The following ACOT1 variants were observed in gnomAD, a reference collection of about 807,000 sequenced individuals.
ACOT1 encodes acyl-coenzyme A thioesterase 1.
In ACOT1, 8 loss-of-function variants were observed where a neutral mutation model predicts 15.7. That is an observed-to-expected ratio of 0.51 (90% confidence interval 0.30 to 0.92). The LOEUF (loss-of-function observed/expected upper bound fraction) is 0.92, where lower values mean the gene tolerates loss of function less well. Among genes scored for constraint, ACOT1 ranks in the 40% least tolerant of loss-of-function variants. The probability of loss-of-function intolerance (pLI) is 0.06; values close to 1 mark genes in which losing one functional copy is unlikely to be tolerated. For missense variants in ACOT1, 151 were observed against 539.4 expected (o/e 0.28, Z 7.13); for synonymous variants, 67 against 241.2 (o/e 0.28, Z 6.69).
the ACOT1 span, chr14:73,514,292 A>G: frequency 6.1e-6 from 9 of 1,484,344 alleles, no homozygotes; most frequent in South Asian, 9.4e-5. Flanking sequence ...CCTGCCACAC[A>G]GTGGCCCCAG....
chr14:73,491,168 G>A, the ACOT1 span: 1 of 1,602,812 alleles, frequency 6.2e-7, no homozygotes. Flanking sequence ...ATCCCGCATG[G>A]CAGCGCTGAG....
chr14:73,500,501 C>A, the ACOT1 span: 1 of 1,563,070 alleles, frequency 6.4e-7, no homozygotes, highest in Non-Finnish European at 8.7e-7. Context: ...GAAGGTAATG[C>A]CCTCTTCAGG....
At chr14:73,525,936 G>C in the ACOT1 span, among the ~76,000 whole-genome samples, 1 of 137,200 alleles carries the variant, frequency 7.3e-6, no homozygotes, top group South Asian at 2.4e-4. Flanking sequence ...CTGGGTGACA[G>C]AGTGAGACTC....
At chr14:73,493,250 T>C in the ACOT1 span, 3 of 732,562 alleles carry the variant, frequency 4.1e-6, 1 homozygote, top group Non-Finnish European at 6.9e-6. Context: ...CATGTCGTTC[T>C]GCTTGAGACA....
At chr14:73,501,229 C>T in the ACOT1 span, among the ~76,000 whole-genome samples, 2 of 152,050 alleles carry the variant, frequency 1.3e-5, no homozygotes, top group African/African-American at 4.8e-5. Context: ...CGCCATTCTC[C>T]TGCCTCAGCC....
At chr14:73,523,203 G>T in the ACOT1 span, 12 of 1,493,340 alleles carry the variant, frequency 8.0e-6, no homozygotes, top group South Asian at 5.2e-5. Flanking sequence ...TAGAGGAAAG[G>T]CCTGGAGATG....
chr14:73,518,955 G>C, the ACOT1 span: 2 of 1,487,280 alleles, frequency 1.3e-6, no homozygotes, highest in Non-Finnish European at 1.8e-6. Context: ...CATGAATAGT[G>C]GGTAATGATG....
the ACOT1 span, chr14:73,509,344 G>A: frequency 1.9e-6 from 3 of 1,614,098 alleles, no homozygotes; most frequent in South Asian, 2.2e-5. Flanking sequence ...GATGTTCCGG[G>A]CAAGGGGATT....
chr14:73,496,399 T>G, the ACOT1 span, among the ~76,000 whole-genome samples: 1 of 152,216 alleles, frequency 6.6e-6, no homozygotes, highest in Non-Finnish European at 1.5e-5. Context: ...TTGTTTTGTT[T>G]TTGTCTTTAC....
At chr14:73,500,303 C>G in the ACOT1 span, among the ~76,000 whole-genome samples, 1 of 147,062 alleles carries the variant, frequency 6.8e-6, no homozygotes, top group Non-Finnish European at 1.5e-5. Context: ...TTTAGCTCAT[C>G]AACTATCGTT....
the ACOT1 span, chr14:73,522,586 TTC>T: frequency 1.4e-5 from 23 of 1,614,110 alleles, no homozygotes; most frequent in Admixed American, 2.2e-4. Flanking sequence ...GAAGCCAGGC[TTC>T]TCTTTCCTCC....
At chr14:73,501,878 C>T in the ACOT1 span, among the ~76,000 whole-genome samples, 1 of 151,738 alleles carries the variant, frequency 6.6e-6, no homozygotes, top group African/African-American at 2.4e-5. Flanking sequence ...CTCAGCCTCC[C>T]GAATAGCTGG....
the ACOT1 span, chr14:73,491,765 A>G: frequency 6.4e-7 from 1 of 1,566,942 alleles, no homozygotes; most frequent in African/African-American, 1.4e-5. Context: ...CCTGGATTCG[A>G]TGCTGCGCAA....
At chr14:73,526,352 G>A in the ACOT1 span, among the ~76,000 whole-genome samples, 2 of 152,212 alleles carry the variant, frequency 1.3e-5, no homozygotes, top group Non-Finnish European at 2.9e-5. Context: ...ATACATATGA[G>A]TGACAGTCAG....
chr14:73,528,392 C>CAAAAAAAAAAAAAAAAAA, the ACOT1 span, among the ~76,000 whole-genome samples: 1 of 88,518 alleles, frequency 1.1e-5, no homozygotes, highest in African/African-American at 4.8e-5. Flanking sequence ...AACTTCATCT[C>CAAAAAAAAAAAAAAAAAA]AAAAAAAAAA....
chr14:73,506,766 A>T, the ACOT1 span, among the ~76,000 whole-genome samples: 3 of 148,448 alleles, frequency 2.0e-5, no homozygotes, highest in African/African-American at 7.4e-5. Context: ...TTAATAACTT[A>T]AACAGAAAAC....
the ACOT1 span, chr14:73,499,163 G>T: frequency 4.4e-6 from 7 of 1,601,864 alleles, no homozygotes; most frequent in Non-Finnish European, 6.0e-6. Context: ...AGGCAGTGTT[G>T]AGTGGGGAGG....
At chr14:73,524,312 T>A in the ACOT1 span, among the ~76,000 whole-genome samples, 2,393 of 70,704 alleles carry the variant, frequency 0.034, 32 homozygotes, top group African/African-American at 0.046. Context: ...AAAAAAAAAA[T>A]ATATATATAT....
upstream of ACOT1, among the ~76,000 whole-genome samples, chr14:73,532,974 TAAAAA>T (rs1888754199): frequency 9.1e-6 from 1 of 110,374 alleles, no homozygotes; most frequent in Non-Finnish European, 2.0e-5. Context: ...AATAAATAAA[TAAAAA>T]GAAAAGAAAA....
Sources: gnomAD v4.1 joint callset for allele counts (sites outside exome capture counted in the v4.1 genomes callset) on GRCh38, gnomAD v4.1.1 for gene constraint, MANE v1.5 for transcripts, NCBI Gene and HGNC (gene_info 2026-07-23, HGNC 2026-07-21) for gene names.